HPSE2: variants seen among roughly 807,000 people sequenced by gnomAD.
The protein encoded by HPSE2 is heparanase 2 (inactive).
Under a neutral mutation model 60.5 loss-of-function variants are expected in HPSE2, and 38 were observed. That is an observed-to-expected ratio of 0.63 (90% CI 0.48 to 0.82). The LOEUF (loss-of-function observed/expected upper bound fraction) is 0.82. Ranked by LOEUF, HPSE2 falls within the 40% of genes least tolerant of loss-of-function variation. The pLI is 0.00. For synonymous variants in HPSE2, 295 were observed against 293.2 expected (o/e 1.01, Z -0.06); for missense variants, 713 against 740.4 (o/e 0.96, Z 0.43).
intron 9 of HPSE2, among the ~76,000 whole-genome samples, chr10:98,513,292 C>T (rs1942483428): frequency 6.6e-6 from 1 of 152,152 alleles, no homozygotes; most frequent in Non-Finnish European, 1.5e-5. Flanking sequence ...ATGTTTTCAG[C>T]CTCATCAAAC....
intron 3 of HPSE2, among the ~76,000 whole-genome samples, chr10:99,094,965 A>C (rs1444402075): frequency 1.3e-5 from 2 of 152,034 alleles, no homozygotes; most frequent in Non-Finnish European, 2.9e-5. Context: ...AGGTGGGAGG[A>C]TCGCTTGAGG....
chr10:98,778,365 T>TA (rs1950393464), intron 3 of HPSE2, among the ~76,000 whole-genome samples: 1 of 150,226 alleles, frequency 6.7e-6, no homozygotes. Flanking sequence ...AGGTTTCTCT[T>TA]ACGAAGCTCT....
chr10:98,725,469 A>C (rs2134264507), intron 4 of HPSE2, among the ~76,000 whole-genome samples: 1 of 152,310 alleles, frequency 6.6e-6, no homozygotes, highest in South Asian at 2.1e-4. Flanking sequence ...CCTTCCTTAC[A>C]CCTTATACAA....
At chr10:98,559,085 G>A (rs1944096905) in intron 9 of HPSE2, among the ~76,000 whole-genome samples, 2 of 152,140 alleles carry the variant, frequency 1.3e-5, no homozygotes, top group Admixed American at 6.5e-5. Context: ...AGGCTGGAGT[G>A]CAGTGGCGCA....
At chr10:98,769,949 A>G (rs1283340760) in intron 3 of HPSE2, among the ~76,000 whole-genome samples, 1 of 152,216 alleles carries the variant, frequency 6.6e-6, no homozygotes, top group African/African-American at 2.4e-5. Flanking sequence ...GGATACAAAG[A>G]TGGAATGTTA....
intron 7 of HPSE2, among the ~76,000 whole-genome samples, chr10:98,630,668 T>C (rs1946345337): frequency 6.6e-6 from 1 of 152,190 alleles, no homozygotes; most frequent in Non-Finnish European, 1.5e-5. Context: ...GACCTACCTC[T>C]GACCTTGACC....
chr10:99,185,486 G>A (rs751029134), intron 2 of HPSE2, among the ~76,000 whole-genome samples: 18 of 151,994 alleles, frequency 1.2e-4, no homozygotes, highest in Non-Finnish European at 1.9e-4. Context: ...AAAAATAGAA[G>A]TGGGGCTGCC....
chr10:98,820,755 T>G (rs1041897444), intron 3 of HPSE2, among the ~76,000 whole-genome samples: 5 of 152,198 alleles, frequency 3.3e-5, no homozygotes, highest in African/African-American at 9.6e-5. Context: ...GTTCAATAGC[T>G]GACTCCCTCT....
intron 7 of HPSE2, among the ~76,000 whole-genome samples, chr10:98,637,742 G>A (rs868543045): frequency 3.3e-5 from 5 of 152,160 alleles, no homozygotes; most frequent in South Asian, 2.1e-4. Flanking sequence ...TTCTACCACT[G>A]TGGGCCTAAT....
At chr10:99,008,137 C>G in intron 3 of HPSE2, among the ~76,000 whole-genome samples, 1 of 152,222 alleles carries the variant, frequency 6.6e-6, no homozygotes, top group Non-Finnish European at 1.5e-5. Flanking sequence ...GGACTGACTC[C>G]TCACTGCTTT....
At chr10:99,070,291 T>A (rs959296597) in intron 3 of HPSE2, among the ~76,000 whole-genome samples, 2 of 152,192 alleles carry the variant, frequency 1.3e-5, no homozygotes, top group Non-Finnish European at 2.9e-5. Context: ...CCAAATTTTT[T>A]AAATGGACAA....
intron 9 of HPSE2, among the ~76,000 whole-genome samples, chr10:98,554,651 T>C (rs1293475014): frequency 6.6e-6 from 1 of 152,156 alleles, no homozygotes; most frequent in African/African-American, 2.4e-5. Context: ...ATTATAAAAG[T>C]AAGTAATATT....
chr10:98,935,845 A>G (rs1954773308), intron 3 of HPSE2, among the ~76,000 whole-genome samples: 1 of 144,844 alleles, frequency 6.9e-6, no homozygotes, highest in Middle Eastern at 3.3e-3. Flanking sequence ...CTTCGGAATC[A>G]GCCAATCTTT....
intron 2 of HPSE2, among the ~76,000 whole-genome samples, chr10:99,160,233 T>G (rs1578950): frequency 0.49 from 74,833 of 151,812 alleles, 20,926 homozygotes; most frequent in East Asian, 0.65. Context: ...TACACCTTGA[T>G]AAAAAGACAA....
intron 3 of HPSE2, chr10:99,013,460 T>C (rs1957064542): frequency 2.2e-6 from 1 of 455,528 alleles, no homozygotes; most frequent in Non-Finnish European, 4.2e-6. Context: ...GAAATGTATA[T>C]TATTATGATT....
At chr10:98,586,897 T>G (rs1222449374) in intron 9 of HPSE2, among the ~76,000 whole-genome samples, 2 of 152,186 alleles carry the variant, frequency 1.3e-5, no homozygotes, top group African/African-American at 4.8e-5. Context: ...GGGGCCAGAT[T>G]GTTCTGTGCT....
At chr10:98,719,767 G>C (rs1279462818) in intron 5 of HPSE2, among the ~76,000 whole-genome samples, 1 of 150,592 alleles carries the variant, frequency 6.6e-6, no homozygotes, top group Non-Finnish European at 1.5e-5. Flanking sequence ...TTGGGAGGCC[G>C]AGACGGGTGG....
At chr10:99,209,852 G>T (rs1848896253) in intron 2 of HPSE2, among the ~76,000 whole-genome samples, 1 of 152,058 alleles carries the variant, frequency 6.6e-6, no homozygotes, top group Non-Finnish European at 1.5e-5. Flanking sequence ...ACCACGCCTG[G>T]CTAATTTTTG....
At chr10:98,549,154 T>A (rs1351156175) in intron 9 of HPSE2, among the ~76,000 whole-genome samples, 1 of 152,216 alleles carries the variant, frequency 6.6e-6, no homozygotes, top group Non-Finnish European at 1.5e-5. Context: ...TTACCTGGAA[T>A]TAAATTTTGC....
Sources: allele counts gnomAD v4.1 joint callset (sites outside exome capture counted in the v4.1 genomes callset), GRCh38; gene constraint gnomAD v4.1.1; transcripts MANE v1.5; gene names NCBI Gene and HGNC (gene_info 2026-07-23, HGNC 2026-07-21).